The following HEBP1 variants were observed in gnomAD, a reference collection of about 807,000 sequenced individuals.
HEBP1 encodes heme binding protein 1, also known as heme-binding protein 1.
A neutral mutation model predicts 20.4 loss-of-function variants in HEBP1; 13 were observed. The observed-to-expected ratio is 0.64, with a 90% CI of 0.42 to 1.01. The LOEUF (loss-of-function observed/expected upper bound fraction) is 1.01, where lower values mean the gene tolerates loss of function less well. Among genes scored for constraint, HEBP1 ranks in the 50% least tolerant of loss-of-function variants. HEBP1 has a pLI of 0.00. For synonymous variants in HEBP1, 92 were observed against 90.7 expected (o/e 1.01, Z -0.08); for missense variants, 241 against 247.3 (o/e 0.97, Z 0.17).
rs570127716 is a variant in HEBP1, at chr12:12,975,083, A to T, written c.*225T>A. The T allele has an allele frequency of 1.8e-5, 7 of 398,440 alleles. No homozygotes were observed. Among genetic ancestry groups the T allele is most frequent in the Middle Eastern group, 6.6e-4 (1 of 1,518 alleles). The allele number at this position is 398,440 out of a possible 1,614,324, so 24.7% of individuals were successfully genotyped here. On this transcript the variant is annotated 3_prime_UTR_variant, in exon 4 of 4. Coordinates refer to ENST00000014930, the MANE Select transcript of HEBP1 (RefSeq NM_015987.5). Reference sequence around the variant, plus strand: ...GTCTATCGCAGAATTTTCTACATCAATGAGAAGGATGCTGCATATCTTGGC... The same window carrying T: ...GTCTATCGCAGAATTTTCTACATCATTGAGAAGGATGCTGCATATCTTGGC...
chr12:12,987,618 C>T (rs867269322), intron 2 of HEBP1, among the ~76,000 whole-genome samples: 5 of 115,034 alleles, frequency 4.3e-5, no homozygotes, highest in East Asian at 3.3e-4. Context: ...CTCTTTCTCT[C>T]TCTCTCTCTC....
chr12:12,998,674 G>A lies in HEBP1; in HGVS notation c.78+1363C>T, dbSNP rs908838008. Among the ~76,000 whole-genome samples the A allele has an allele frequency of 2.0e-5, 3 of 152,196 alleles. No individual in the cohort carries two copies. Among genetic ancestry groups the A allele is most frequent in the South Asian group, 4.1e-4 (2 of 4,832 alleles). On this transcript the variant is annotated intron_variant, in intron 1 of 3. Transcript: ENST00000014930. The surrounding 1 kb of genome is among the most constrained non-coding windows in gnomAD (Gnocchi z 4.2). ...GATTAGAGTCTAATTGAGGGCTTTC[G>A]TGATATGAAGATCATTGTACTAGGT... is the stretch of plus-strand genomic sequence containing the variant.
chr12:12,981,676 A>G (rs772224679), intron 3 of HEBP1, among the ~76,000 whole-genome samples: 2 of 152,170 alleles, frequency 1.3e-5, no homozygotes, highest in East Asian at 1.9e-4. Context: ...ACATTACCTC[A>G]TGACGTCCAT....
chr12:13,000,149 C>T lies in HEBP1; in HGVS notation c.-35G>A, dbSNP rs751140953. 2 of 1,533,568 alleles carry T rather than the reference C, an allele frequency of 1.3e-6. No individual in the cohort carries two copies. Among genetic ancestry groups the T allele is most frequent in the African/African-American group, 1.4e-5 (1 of 72,104 alleles). The allele number at this position is 1,533,568 out of a possible 1,614,324, so 95.0% of individuals were successfully genotyped here. ...GAGACGCTCCCGACGCACGGGAGGA[C>T]GTGAGGTGGCGGGGGCGACGGAGCA... On this transcript the variant is annotated 5_prime_UTR_variant, in exon 1 of 4. Coordinates refer to ENST00000014930, the MANE Select transcript of HEBP1 (RefSeq NM_015987.5).
intron 3 of HEBP1, among the ~76,000 whole-genome samples, chr12:12,976,215 C>A (rs1863986089): frequency 6.6e-6 from 1 of 152,024 alleles, no homozygotes; most frequent in Non-Finnish European, 1.5e-5. Flanking sequence ...ATAAAGAAAT[C>A]ACTTCTCATA....
At chr12:12,991,690 G>A (rs981042272) in intron 1 of HEBP1, among the ~76,000 whole-genome samples, 3 of 152,122 alleles carry the variant, frequency 2.0e-5, no homozygotes, top group East Asian at 1.9e-4. Context: ...TTTACAGCCT[G>A]TCTTATCATG....
chr12:12,991,320 G>C (rs1031050019), intron 1 of HEBP1, among the ~76,000 whole-genome samples: 2 of 152,146 alleles, frequency 1.3e-5, no homozygotes, highest in Admixed American at 1.3e-4. Flanking sequence ...CCACAGACAG[G>C]AAGGGCTGAC....
At chr12:12,997,423 A>G (rs1356791042) in intron 1 of HEBP1, among the ~76,000 whole-genome samples, 2 of 152,170 alleles carry the variant, frequency 1.3e-5, no homozygotes, top group Admixed American at 1.3e-4. Flanking sequence ...ACACAGAGGG[A>G]GAATTACCTG....
intron 1 of HEBP1, 89 bp downstream of exon 1, chr12:12,999,948 A>ACCTG (rs1335714849): frequency 2.5e-6 from 2 of 799,586 alleles, no homozygotes; most frequent in Non-Finnish European, 4.1e-6. Context: ...TTCCTGCCCC[A>ACCTG]CCTGCCCCTC....
At chr12:12,999,893 G>A in intron 1 of HEBP1, 144 bp downstream of exon 1, 1 of 508,748 alleles carries the variant, frequency 2.0e-6, no homozygotes, top group Non-Finnish European at 3.7e-6. Flanking sequence ...GGGCGGTGGA[G>A]AGCCGCACTC....
chr12:12,987,237 G>C lies in HEBP1; in HGVS notation c.313C>G (p.Pro105Ala), dbSNP rs753919794. 6.2e-7 allele frequency: 1 copy of C among 1,614,072 alleles called. No individual in the cohort carries two copies. Among genetic ancestry groups the C allele is most frequent in the Non-Finnish European group, 8.5e-7 (1 of 1,180,016 alleles). The change falls in exon 3 of 4, where the codon CCA becomes GCA. Residue 105 changes from proline (P) to alanine (A), a missense_variant. Transcript: ENST00000014930. ...QKKLKVWFRI[P>A]NQFQSDPPAP... is the part of the protein sequence containing the mutation. ...GGTGGGTCGCTTTGAAATTGGTTTG[G>C]AATCCGGAACCAGACTTTTAATTTC...
At chr12:12,994,242 T>G (rs1864265110) in intron 1 of HEBP1, among the ~76,000 whole-genome samples, 1 of 152,200 alleles carries the variant, frequency 6.6e-6, no homozygotes, top group Admixed American at 6.5e-5. Flanking sequence ...TAGTTGTGGC[T>G]GGAGCAAAGA....
intron 3 of HEBP1, among the ~76,000 whole-genome samples, chr12:12,981,137 T>A (rs1212974345): frequency 6.6e-6 from 1 of 152,132 alleles, no homozygotes; most frequent in Non-Finnish European, 1.5e-5. Context: ...CTGACCAGGA[T>A]GAGCCAATAA....
In HEBP1 at chr12:12,987,233, T is replaced by C; in HGVS notation, c.317A>G (p.Asn106Ser). ...KKLKVWFRIP[N>S]QFQSDPPAPS... ...AGCTGGTGGGTCGCTTTGAAATTGGTTTGGAATCCGGAACCAGACTTTTAA... is the reference window on the plus strand; with the variant it reads ...AGCTGGTGGGTCGCTTTGAAATTGGCTTGGAATCCGGAACCAGACTTTTAA... The change falls in exon 3 of 4, where the codon AAC becomes AGC. Residue 106 changes from asparagine to serine, a missense_variant. By Grantham distance (46) the Asn-to-Ser change is conservative (BLOSUM62 1). Coordinates refer to ENST00000014930, the MANE Select transcript of HEBP1 (RefSeq NM_015987.5). The C allele has an allele frequency of 3.1e-6, 5 of 1,614,022 alleles. No individual in the cohort carries two copies. Among genetic ancestry groups the C allele is most frequent in the Non-Finnish European group, 4.2e-6 (5 of 1,179,980 alleles).
chr12:12,985,040 T>A (rs1283732255), intron 3 of HEBP1, among the ~76,000 whole-genome samples: 1 of 151,358 alleles, frequency 6.6e-6, no homozygotes, highest in Non-Finnish European at 1.5e-5. Context: ...CCCAGCTACT[T>A]GGGAGGCTGA....
chr12:12,989,449 A>G (rs1864192094), intron 1 of HEBP1, 34 bp from the exon 2 acceptor site: 1 of 1,609,418 alleles, frequency 6.2e-7, no homozygotes, highest in African/African-American at 1.3e-5. Flanking sequence ...TTTAAGAGGT[A>G]CAAAGTAGCA....
chr12:12,991,410 A>G (rs904089838), intron 1 of HEBP1, among the ~76,000 whole-genome samples: 1 of 152,052 alleles, frequency 6.6e-6, no homozygotes, highest in Non-Finnish European at 1.5e-5. Flanking sequence ...CAGCCTCCCA[A>G]TCTGCTTAAT....
At chr12:12,989,660 A>G (rs1401965190) in intron 1 of HEBP1, among the ~76,000 whole-genome samples, 4 of 152,246 alleles carry the variant, frequency 2.6e-5, no homozygotes, top group African/African-American at 4.8e-5. Context: ...GCATCCTGAA[A>G]ACCAGAATGC....
intron 3 of HEBP1, among the ~76,000 whole-genome samples, chr12:12,980,853 G>A (rs961631398): frequency 2.0e-5 from 3 of 152,256 alleles, no homozygotes; most frequent in African/African-American, 7.2e-5. Context: ...TGGAAATGAA[G>A]CATCTCATTA....
Sources: allele counts gnomAD v4.1 joint callset (sites outside exome capture counted in the v4.1 genomes callset), GRCh38; gene constraint gnomAD v4.1.1; non-coding constraint Gnocchi (gnomAD v3.1); transcripts MANE v1.5; gene names NCBI Gene and HGNC (gene_info 2026-07-23, HGNC 2026-07-21).